CCDC146: variants seen among roughly 807,000 people sequenced by gnomAD.
CCDC146 encodes the protein coiled-coil domain containing 146.
A neutral mutation model predicts 119.3 loss-of-function variants in CCDC146; 92 were observed. The ratio of observed to expected loss-of-function variants is 0.77; its 90% confidence interval spans 0.65 to 0.92. CCDC146 has a LOEUF of 0.92. Ranked by LOEUF, CCDC146 falls within the 40% of genes least tolerant of loss-of-function variation. The pLI, the probability that CCDC146 is intolerant of heterozygous loss-of-function variation, is 0.00. For missense variants in CCDC146, 1,000 were observed against 1,103.0 expected (o/e 0.91, Z 1.32); for synonymous variants, 372 against 371.8 (o/e 1.00, Z -0.01).
chr7:77,273,398 G>T (rs1793562656), intron 9 of CCDC146, among the ~76,000 whole-genome samples: 1 of 152,162 alleles, frequency 6.6e-6, no homozygotes, highest in Non-Finnish European at 1.5e-5. Flanking sequence ...ATTTGCCATG[G>T]CTTATAAAGA....
rs984074383 is a variant in CCDC146, at chr7:77,224,712, T to G, written c.157-12235T>G. Among the ~76,000 whole-genome samples the G allele has an allele frequency of 2.0e-4, 31 of 152,274 alleles. 1 individual carries two copies. The highest frequency in any genetic ancestry group is 4.6e-4 in the African/African-American group (19 of 41,540). On this transcript the variant is annotated intron_variant, in intron 2 of 18. Coordinates refer to ENST00000285871, the MANE Select transcript of CCDC146 (RefSeq NM_020879.3). ...GGCAGCTACCAGATAATGAAGACCC[T>G]TGTACACCATGTTGAGGAGCCTAGA...
chr7:77,221,694 T>G lies in CCDC146; in HGVS notation c.157-15253T>G, dbSNP rs116880353. Among the ~76,000 whole-genome samples, 12 of 152,286 alleles carry G rather than the reference T, an allele frequency of 7.9e-5. No individual in the cohort carries two copies. In the East Asian group the frequency reaches 2.3e-3, roughly 29 times the overall value. On this transcript the variant is annotated intron_variant, in intron 2 of 18. Transcript: ENST00000285871. Reference sequence around the variant, plus strand: ...TGGCTTCAGCGCACTTCCCATCTGATGGACAGACATATGAGCATGATTTCA... The same window carrying G: ...TGGCTTCAGCGCACTTCCCATCTGAGGGACAGACATATGAGCATGATTTCA...
chr7:77,248,456 A>G (rs187603336), intron 4 of CCDC146, among the ~76,000 whole-genome samples: 2 of 152,318 alleles, frequency 1.3e-5, no homozygotes, highest in East Asian at 3.9e-4. Context: ...ATGTGCTTTT[A>G]GCTCATGTTC....
At chr7:77,139,277 T>C (rs1293856133) in intron 1 of CCDC146, among the ~76,000 whole-genome samples, 1 of 152,204 alleles carries the variant, frequency 6.6e-6, no homozygotes, top group Non-Finnish European at 1.5e-5. Context: ...ACATACTGCA[T>C]GACTTCAGCT....
intron 18 of CCDC146, among the ~76,000 whole-genome samples, chr7:77,293,407 G>C (rs1039954353): frequency 3.3e-5 from 5 of 152,198 alleles, no homozygotes; most frequent in African/African-American, 1.2e-4. Flanking sequence ...AGAACACTTA[G>C]CAAGCACAGG....
rs1584143597 is a variant in CCDC146, at chr7:77,280,660, A to T, written c.1919+7A>T. The T allele has an allele frequency of 1.9e-6, 3 of 1,598,564 alleles. No homozygotes were observed. Among genetic ancestry groups the T allele is most frequent in the Non-Finnish European group, 2.6e-6 (3 of 1,170,792 alleles). On this transcript the variant is annotated splice_region_variant and intron_variant, in intron 14 of 18. Coordinates refer to ENST00000285871, the MANE Select transcript of CCDC146 (RefSeq NM_020879.3). ...TTCAGCATCGAAATGAAAGGTAAAA[A>T]CCAGGTGTGAGAACAGAGCACCAGG...
intron 2 of CCDC146, among the ~76,000 whole-genome samples, chr7:77,214,086 C>T (rs370185739): frequency 1.3e-5 from 2 of 152,078 alleles, no homozygotes; most frequent in Non-Finnish European, 2.9e-5. Flanking sequence ...CAACCAGCAG[C>T]GTATAAGGAT....
chr7:77,226,949 G>C (rs902587885), intron 2 of CCDC146, among the ~76,000 whole-genome samples: 11 of 152,168 alleles, frequency 7.2e-5, no homozygotes, highest in African/African-American at 2.7e-4. Flanking sequence ...GATGAATGTT[G>C]ACGTCTAGAT....
intron 1 of CCDC146, among the ~76,000 whole-genome samples, chr7:77,130,287 A>C (rs1790762759): frequency 6.6e-6 from 1 of 152,058 alleles, no homozygotes; most frequent in Non-Finnish European, 1.5e-5. Context: ...AGGTCTTATA[A>C]ACGCATCCCA....
chr7:77,252,691 T>C (rs1793098606), intron 4 of CCDC146, among the ~76,000 whole-genome samples: 1 of 152,166 alleles, frequency 6.6e-6, no homozygotes, highest in Admixed American at 6.5e-5. Context: ...GGAAACGGTA[T>C]ACAGAATAAG....
chr7:77,217,613 T>C (rs1792325072), intron 2 of CCDC146, among the ~76,000 whole-genome samples: 1 of 151,734 alleles, frequency 6.6e-6, no homozygotes, highest in South Asian at 2.1e-4. Context: ...ATGGGTGTAG[T>C]CATGTGTCAC....
Position 77,273,699 on chromosome 7 carries a change from A to G in CCDC146, c.1179A>G (p.Glu393=), listed in dbSNP as rs773005111. 1 of 1,606,320 alleles carries G rather than the reference A, an allele frequency of 6.2e-7. No homozygotes were observed. The highest frequency in any genetic ancestry group is 8.5e-7 in the Non-Finnish European group (1 of 1,174,920). The change falls in exon 10 of 19, where the codon GAA becomes GAG. Residue 393 remains glutamate, a synonymous_variant. Transcript: ENST00000285871. The part of the protein sequence containing the change: ...ALHQRLLLEM[E]AIPKDDSTLS... ...TTTTAAATTTTGATTTCCAGATGGA[A>G]GCTATCCCCAAAGATGATTCTACAT...
At chr7:77,126,762 C>A (rs1238308772) in intron 1 of CCDC146, among the ~76,000 whole-genome samples, 3 of 152,086 alleles carry the variant, frequency 2.0e-5, no homozygotes, top group African/African-American at 7.3e-5. Context: ...GAGCCCAGGG[C>A]TTTTATGGAC....
chr7:77,165,184 T>A (rs1791322479), intron 1 of CCDC146, among the ~76,000 whole-genome samples: 3 of 151,886 alleles, frequency 2.0e-5, no homozygotes, highest in African/African-American at 7.3e-5. Flanking sequence ...GTGTTGTGGA[T>A]CTGCTTGAAT....
intron 4 of CCDC146, among the ~76,000 whole-genome samples, chr7:77,254,265 A>G (rs775193512): frequency 6.6e-6 from 1 of 152,198 alleles, no homozygotes; most frequent in Non-Finnish European, 1.5e-5. Flanking sequence ...CCCAACATTT[A>G]TAATGTGCTG....
intron 1 of CCDC146, among the ~76,000 whole-genome samples, chr7:77,158,767 C>G (rs1176544021): frequency 9.2e-5 from 14 of 152,174 alleles, no homozygotes; most frequent in Admixed American, 9.2e-4. Context: ...ATCCGCCCAC[C>G]TCCACACCAC....
At chr7:77,139,342 T>A (rs1379337853) in intron 1 of CCDC146, among the ~76,000 whole-genome samples, 1 of 152,152 alleles carries the variant, frequency 6.6e-6, no homozygotes, top group Admixed American at 6.5e-5. Flanking sequence ...AAGATAGTGA[T>A]CACTAGGGAG....
chr7:77,139,615 G>A (rs1324027590), intron 1 of CCDC146, among the ~76,000 whole-genome samples: 1 of 152,078 alleles, frequency 6.6e-6, no homozygotes, highest in Non-Finnish European at 1.5e-5. Flanking sequence ...GCACATATGG[G>A]AACAAGGAGT....
chr7:77,202,783 G>A (rs1792016464), intron 2 of CCDC146, among the ~76,000 whole-genome samples: 1 of 152,170 alleles, frequency 6.6e-6, no homozygotes. Flanking sequence ...AGGGCTCAAA[G>A]CAATAAATGA....
Sources: gnomAD v4.1 joint callset for allele counts (sites outside exome capture counted in the v4.1 genomes callset) on GRCh38, gnomAD v4.1.1 for gene constraint, MANE v1.5 for transcripts, NCBI Gene and HGNC (gene_info 2026-07-23, HGNC 2026-07-21) for gene names.